PRKCE: variants seen among roughly 807,000 people sequenced by gnomAD.
PRKCE encodes protein kinase C epsilon, also known as protein kinase C epsilon type.
Under a neutral mutation model 85.4 loss-of-function variants are expected in PRKCE, and 16 were observed. The observed-to-expected ratio is 0.19, with a 90% confidence interval of 0.13 to 0.28. PRKCE has a LOEUF of 0.28. Ranked by LOEUF, PRKCE falls within the 10% of genes least tolerant of loss-of-function variation. The pLI is 1.00. For synonymous variants in PRKCE, 388 were observed against 371.5 expected, an observed-to-expected ratio of 1.04 and a Z score of -0.51; for missense variants, 573 against 975.2, an observed-to-expected ratio of 0.59 and a Z score of 5.49.
rs577287913 is a variant in PRKCE, at chr2:45,948,155, C to G, written c.413-28274C>G. On this transcript the variant is annotated intron_variant, in intron 2 of 14. Coordinates refer to ENST00000306156, the MANE Select transcript of PRKCE (RefSeq NM_005400.3). ...TCACTTATTAGTGTTCATGTTACAT[C>G]TTCAAATTCAATGCACTGGGGTTAA... Among the ~76,000 whole-genome samples the G allele has an allele frequency of 2.9e-4, 44 of 152,284 alleles. 1 individual carries two copies. Among genetic ancestry groups the G allele is most frequent in the African/African-American group, 1.1e-3 (44 of 41,558 alleles).
rs1350099368 is a variant in PRKCE at position 46,023,085 on chromosome 2, G to A, written c.1437+12568G>A. On this transcript the variant is annotated intron_variant, in intron 10 of 14. Transcript: ENST00000306156. ...GTCCTGGGCGACAGAGCGAGACTCC[G>A]TCTCAAAAAAAAAAAAAAAAAAAAA... Among the ~76,000 whole-genome samples the A allele has an allele frequency of 1.1e-3, 23 of 20,974 alleles. No individual in the cohort carries two copies. The South Asian group carries it at 0.018, about 17-fold the overall frequency. The allele number at this position is 20,974 out of a possible 152,430, so 13.8% of individuals were successfully genotyped here.
intron 11 of PRKCE, among the ~76,000 whole-genome samples, chr2:46,114,558 C>T (rs1294438884): frequency 6.6e-6 from 1 of 151,868 alleles, no homozygotes; most frequent in Non-Finnish European, 1.5e-5. Flanking sequence ...GCTGGGACTA[C>T]AGGCACCCGC....
chr2:46,112,494 T>G (rs1311091803), intron 11 of PRKCE, among the ~76,000 whole-genome samples: 1 of 54,882 alleles, frequency 1.8e-5, no homozygotes, highest in Non-Finnish European at 6.3e-5. Context: ...TTTTTTTGGT[T>G]TTTTTTTTGT....
At chr2:45,967,960 C>A (rs1318381857) in intron 2 of PRKCE, among the ~76,000 whole-genome samples, 1 of 152,110 alleles carries the variant, frequency 6.6e-6, no homozygotes, top group African/African-American at 2.4e-5. Flanking sequence ...AGAAAGAAGA[C>A]CCCACAGCAC....
intron 3 of PRKCE, among the ~76,000 whole-genome samples, chr2:45,976,966 C>G (rs1037777625): frequency 1.2e-4 from 18 of 151,254 alleles, no homozygotes; most frequent in African/African-American, 4.4e-4. Flanking sequence ...GCATGATCTC[C>G]ACTCAATGCA....
chr2:45,897,192 T>A (rs1471162132), intron 2 of PRKCE, among the ~76,000 whole-genome samples: 1 of 152,230 alleles, frequency 6.6e-6, no homozygotes, highest in African/African-American at 2.4e-5. Context: ...AACTTCACTC[T>A]TTAGTTCAGT....
At chr2:46,012,946 G>A (rs1254767773) in intron 10 of PRKCE, among the ~76,000 whole-genome samples, 1 of 152,170 alleles carries the variant, frequency 6.6e-6, no homozygotes, top group Non-Finnish European at 1.5e-5. Context: ...CAGAGAAGGA[G>A]CTTCCTCTGT....
intron 10 of PRKCE, among the ~76,000 whole-genome samples, chr2:46,054,757 C>G (rs766470368): frequency 1.3e-5 from 2 of 152,188 alleles, no homozygotes; most frequent in Non-Finnish European, 2.9e-5. Context: ...TTTTACCACT[C>G]CAATGTTGCC....
intron 10 of PRKCE, among the ~76,000 whole-genome samples, chr2:46,077,408 G>A (rs1668658518): frequency 6.6e-6 from 1 of 152,004 alleles, no homozygotes; most frequent in Admixed American, 6.6e-5. Flanking sequence ...TAAATATACA[G>A]CATTGCATTT....
At chr2:45,925,304 T>C (rs1314580112) in intron 2 of PRKCE, among the ~76,000 whole-genome samples, 1 of 126,204 alleles carries the variant, frequency 7.9e-6, no homozygotes, top group African/African-American at 3.1e-5. Flanking sequence ...TTTTTATTTA[T>C]TTATTTATTT....
intron 1 of PRKCE, among the ~76,000 whole-genome samples, chr2:45,677,384 C>T (rs1450313814): frequency 7.6e-6 from 1 of 132,288 alleles, no homozygotes; most frequent in Non-Finnish European, 1.5e-5. Context: ...GAGTCTCGCT[C>T]TGTCGCCCAG....
chr2:45,819,928 C>G (rs1050230626), intron 1 of PRKCE, among the ~76,000 whole-genome samples: 2 of 152,164 alleles, frequency 1.3e-5, no homozygotes, highest in African/African-American at 4.8e-5. Flanking sequence ...TTGCACAGCC[C>G]ACTGTATTCC....
chr2:45,923,215 C>G (rs1490224788), intron 2 of PRKCE, among the ~76,000 whole-genome samples: 2 of 152,158 alleles, frequency 1.3e-5, no homozygotes, highest in Non-Finnish European at 2.9e-5. Flanking sequence ...CACTAAAAGT[C>G]TTCTAGAAAA....
chr2:46,061,867 T>TC (rs986429019), intron 10 of PRKCE, among the ~76,000 whole-genome samples: 6 of 147,750 alleles, frequency 4.1e-5, no homozygotes. Flanking sequence ...TTCTTTTTTT[T>TC]TTTTTTTTTT....
rs397781944 is a variant in PRKCE at position 45,941,065 on chromosome 2, TAAA to T, written c.413-35344_413-35342del. The stretch of plus-strand genomic sequence containing the variant: ...TGGGTGACAGAGTGAGACTTCATCC[TAAA>T]AAAAAAAAAAAAAAAAAAAGATGAT... On this transcript the variant is annotated intron_variant, in intron 2 of 14. Coordinates refer to ENST00000306156, the MANE Select transcript of PRKCE (RefSeq NM_005400.3). Among the ~76,000 whole-genome samples, 21 of 67,158 alleles carry T rather than the reference TAAA, an allele frequency of 3.1e-4. No homozygotes were observed. In the South Asian group the frequency reaches 6.0e-3, roughly 19 times the overall value. The allele number at this position is 67,158 out of a possible 152,430, so 44.1% of individuals were successfully genotyped here.
At chr2:46,008,941 C>T (rs1046763292) in intron 9 of PRKCE, among the ~76,000 whole-genome samples, 6 of 152,116 alleles carry the variant, frequency 3.9e-5, no homozygotes, top group South Asian at 2.1e-4. Flanking sequence ...GTAAAATACG[C>T]GGGCGACAAA....
chr2:45,984,519 G>C (rs4953294), intron 5 of PRKCE, 32 bp from the exon 6 acceptor site: 1 of 1,594,292 alleles, frequency 6.3e-7, no homozygotes, highest in South Asian at 1.1e-5. Flanking sequence ...TGAGGAGCTC[G>C]GTGGTGAACC....
Position 45,913,943 on chromosome 2 carries a change from C to G in PRKCE, c.413-62486C>G, listed in dbSNP as rs192723630. On this transcript the variant is annotated intron_variant, in intron 2 of 14. Coordinates refer to ENST00000306156, the MANE Select transcript of PRKCE (RefSeq NM_005400.3). ...GTCTTAGAAAAACAAGAATTTGTAC[C>G]CTCCTTTCTTTTTATCCTCGATGCA... Among the ~76,000 whole-genome samples the G allele has an allele frequency of 2.8e-4, 42 of 148,716 alleles. 1 individual carries two copies. Among genetic ancestry groups the G allele is most frequent in the Admixed American group, 1.6e-3 (25 of 15,188 alleles).
At chr2:45,904,953 G>A (rs1248427295) in intron 2 of PRKCE, among the ~76,000 whole-genome samples, 1 of 152,240 alleles carries the variant, frequency 6.6e-6, no homozygotes, top group Non-Finnish European at 1.5e-5. Context: ...GAGGTCCCGG[G>A]CGTGGACCAT....
Sources: allele counts gnomAD v4.1 joint callset (sites outside exome capture counted in the v4.1 genomes callset), GRCh38; gene constraint gnomAD v4.1.1; transcripts MANE v1.5; gene names NCBI Gene and HGNC (gene_info 2026-07-23, HGNC 2026-07-21).